The following MTUS2 variants were observed in gnomAD, a reference collection of about 807,000 sequenced individuals.
MTUS2 encodes microtubule associated scaffold protein 2, also known as microtubule-associated tumor suppressor candidate 2.
Under a neutral mutation model 114.1 loss-of-function variants are expected in MTUS2, and 40 were observed. That is an observed-to-expected ratio of 0.35 (90% CI 0.27 to 0.46). The LOEUF (loss-of-function observed/expected upper bound fraction) is 0.46, where lower values mean the gene tolerates loss of function less well. Ranked by LOEUF, MTUS2 falls within the 20% of genes least tolerant of loss-of-function variation. MTUS2 has a pLI of 1.00. For synonymous variants in MTUS2, 688 were observed against 672.0 expected, an observed-to-expected ratio of 1.02 and a Z score of -0.37; for missense variants, 1,679 against 1,705.4, an observed-to-expected ratio of 0.98 and a Z score of 0.27.
intron 2 of MTUS2, among the ~76,000 whole-genome samples, chr13:28,956,562 A>G (rs1883077919): frequency 6.6e-6 from 1 of 152,192 alleles, no homozygotes. Context: ...GGAGGGTTGC[A>G]CTGAAAGCAG....
chr13:28,825,097 C>G (rs918379256), intron 1 of MTUS2, among the ~76,000 whole-genome samples: 3 of 152,172 alleles, frequency 2.0e-5, no homozygotes, highest in Non-Finnish European at 4.4e-5. Context: ...ACAGCAGCCC[C>G]ATCCCCCACT....
intron 7 of MTUS2, among the ~76,000 whole-genome samples, chr13:29,333,875 A>T (rs1900919773): frequency 6.6e-6 from 1 of 152,088 alleles, no homozygotes; most frequent in South Asian, 2.1e-4. Flanking sequence ...GTGCTCCTGT[A>T]TTGGGAGCAT....
chr13:29,439,148 G>A (rs772083928), intron 8 of MTUS2, among the ~76,000 whole-genome samples: 3 of 152,168 alleles, frequency 2.0e-5, no homozygotes, highest in Non-Finnish European at 2.9e-5. Context: ...TTCTTTGAAG[G>A]CCTGTAGTTT....
chr13:28,842,489 A>G (rs1056614335), intron 2 of MTUS2, among the ~76,000 whole-genome samples: 20 of 152,224 alleles, frequency 1.3e-4, no homozygotes, highest in Non-Finnish European at 2.1e-4. Context: ...ACACAGACGG[A>G]ATATTTGTGA....
At chr13:29,278,347 C>T (rs1363973134) in intron 5 of MTUS2, among the ~76,000 whole-genome samples, 2 of 152,130 alleles carry the variant, frequency 1.3e-5, no homozygotes, top group Non-Finnish European at 2.9e-5. Context: ...AAGCCAAAGA[C>T]TGGGAGAGTA....
chr13:28,978,822 T>G (rs1884230428), intron 2 of MTUS2, among the ~76,000 whole-genome samples: 1 of 152,202 alleles, frequency 6.6e-6, no homozygotes, highest in Admixed American at 6.5e-5. Context: ...CTACACTATC[T>G]GCCCAGGTCT....
rs187135299 is a variant in MTUS2, at chr13:28,987,663, C to T, written c.-242-36794C>T. Reference sequence around the variant, plus strand: ...ACCACCATCCTGTCCCAGCTGATTGCTGCTGGGAGACCATATTAGCTTTCT... The same window carrying T: ...ACCACCATCCTGTCCCAGCTGATTGTTGCTGGGAGACCATATTAGCTTTCT... On this transcript the variant is annotated intron_variant, in intron 2 of 15. Transcript: ENST00000612955. Among the ~76,000 whole-genome samples, 3 of 152,328 alleles carry T rather than the reference C, an allele frequency of 2.0e-5. No individual in the cohort carries two copies. The East Asian group carries it at 5.8e-4, about 29-fold the overall frequency.
At chr13:29,290,769 C>G (rs942605518) in intron 6 of MTUS2, among the ~76,000 whole-genome samples, 1 of 152,152 alleles carries the variant, frequency 6.6e-6, no homozygotes, top group African/African-American at 2.4e-5. Flanking sequence ...GCTCTGCTCA[C>G]GAGTTTAGTT....
chr13:29,169,578 A>G (rs756518438), intron 5 of MTUS2, among the ~76,000 whole-genome samples: 1 of 152,204 alleles, frequency 6.6e-6, no homozygotes, highest in Non-Finnish European at 1.5e-5. Flanking sequence ...AACATTTCAG[A>G]CAGATATAGA....
chr13:29,375,630 T>C (rs1464118300), intron 8 of MTUS2, among the ~76,000 whole-genome samples: 1 of 7,220 alleles, frequency 1.4e-4, no homozygotes, highest in Non-Finnish European at 6.8e-4. Flanking sequence ...TATATATATA[T>C]ATATATATAC....
At chr13:29,431,054 T>C (rs556872955) in intron 8 of MTUS2, among the ~76,000 whole-genome samples, 12 of 152,266 alleles carry the variant, frequency 7.9e-5, no homozygotes, top group Non-Finnish European at 1.6e-4. Context: ...ATCAAAACAA[T>C]TTAACAGTTT....
chr13:29,162,314 CTATT>C (rs1287524104), intron 5 of MTUS2, among the ~76,000 whole-genome samples: 1 of 152,160 alleles, frequency 6.6e-6, no homozygotes, highest in Admixed American at 6.5e-5. Context: ...TGTACATACT[CTATT>C]AATTATATAA....
At chr13:29,009,931 G>A (rs565556443) in intron 2 of MTUS2, among the ~76,000 whole-genome samples, 1 of 152,124 alleles carries the variant, frequency 6.6e-6, no homozygotes, top group South Asian at 2.1e-4. Context: ...AGCTATAAAG[G>A]CCAGGCACGG....
At chr13:29,323,004 T>C (rs537110723) in intron 6 of MTUS2, among the ~76,000 whole-genome samples, 17 of 152,282 alleles carry the variant, frequency 1.1e-4, no homozygotes, top group African/African-American at 4.1e-4. Context: ...TCTCAGACAC[T>C]GTTTGTTGGG....
At chr13:29,082,734 A>T (rs1281733397) in intron 4 of MTUS2, among the ~76,000 whole-genome samples, 1 of 152,162 alleles carries the variant, frequency 6.6e-6, no homozygotes, top group Admixed American at 6.5e-5. Flanking sequence ...AGAGAACAGA[A>T]GTTTCTCTTC....
chr13:28,850,625 G>C (rs1238855098), intron 2 of MTUS2, among the ~76,000 whole-genome samples: 1 of 152,226 alleles, frequency 6.6e-6, no homozygotes, highest in Non-Finnish European at 1.5e-5. Flanking sequence ...ACAGTAGAGG[G>C]AGAAGGGACT....
At chr13:28,983,221 A>G (rs922276670) in intron 2 of MTUS2, among the ~76,000 whole-genome samples, 55 of 152,270 alleles carry the variant, frequency 3.6e-4, no homozygotes, top group African/African-American at 1.2e-3. Flanking sequence ...CCACCTCTCT[A>G]TCGCTCCAGA....
chr13:28,916,842 T>A (rs1311008851), intron 2 of MTUS2, among the ~76,000 whole-genome samples: 3 of 151,852 alleles, frequency 2.0e-5, no homozygotes, highest in Admixed American at 6.6e-5. Flanking sequence ...CCTTGTTGCA[T>A]TCCAGATCTT....
chr13:28,821,308 G>C (rs1043749020), intron 1 of MTUS2, among the ~76,000 whole-genome samples: 18 of 152,112 alleles, frequency 1.2e-4, no homozygotes, highest in Admixed American at 2.6e-4. Context: ...AAGTCATTAG[G>C]TATAATTGTA....
Sources: gnomAD v4.1 joint callset for allele counts (sites outside exome capture counted in the v4.1 genomes callset) on GRCh38, gnomAD v4.1.1 for gene constraint, MANE v1.5 for transcripts, NCBI Gene and HGNC (gene_info 2026-07-23, HGNC 2026-07-21) for gene names.